KDM4C: variants seen among roughly 807,000 people sequenced by gnomAD.
KDM4C encodes lysine demethylase 4C.
A neutral mutation model predicts 129.3 loss-of-function variants in KDM4C; 81 were observed. The observed-to-expected ratio is 0.63, with a 90% CI of 0.52 to 0.75. KDM4C has a LOEUF of 0.75. KDM4C is among the 30% of genes least tolerant of loss of function. The pLI is 0.00. For synonymous variants in KDM4C, 573 were observed against 456.1 expected, an observed-to-expected ratio of 1.26 and a Z score of -3.26; for missense variants, 1,457 against 1,304.0, an observed-to-expected ratio of 1.12 and a Z score of -1.81.
chr9:6,726,251 C>T lies in KDM4C; in HGVS notation c.49+5254C>T, dbSNP rs1390303935. Among the ~76,000 whole-genome samples, 9 of 152,258 alleles carry T rather than the reference C, an allele frequency of 5.9e-5. No individual in the cohort carries two copies. The South Asian group carries it at 1.5e-3, about 25-fold the overall frequency. On this transcript the variant is annotated intron_variant, in intron 1 of 17. Transcript: ENST00000536108. Reference sequence around the variant, plus strand: ...ATTCTCTTTTTAAAACTGGTCAGCCCCTCAAACCAGAATAGGTTCAGAGAG... The same window carrying T: ...ATTCTCTTTTTAAAACTGGTCAGCCTCTCAAACCAGAATAGGTTCAGAGAG...
chr9:7,102,566 G>T (rs1474160635), intron 17 of KDM4C, among the ~76,000 whole-genome samples: 2 of 152,132 alleles, frequency 1.3e-5, no homozygotes, highest in African/African-American at 4.8e-5. Flanking sequence ...AGAGATCAGA[G>T]TAAGACTGAG....
chr9:6,914,861 C>G (rs1029493268), intron 8 of KDM4C, among the ~76,000 whole-genome samples: 1 of 152,244 alleles, frequency 6.6e-6, no homozygotes, highest in African/African-American at 2.4e-5. Flanking sequence ...TGGTCTTGGA[C>G]TTACTTGCCA....
intron 4 of KDM4C, among the ~76,000 whole-genome samples, chr9:6,834,043 C>CTTTTTTTT (rs71487860): frequency 5.5e-5 from 6 of 109,480 alleles, no homozygotes; most frequent in Admixed American, 1.1e-4. Flanking sequence ...AAGAGATAGT[C>CTTTTTTTT]TTTTTTTTTT....
At chr9:6,881,750 C>G (rs751122758) in intron 6 of KDM4C, among the ~76,000 whole-genome samples, 4 of 152,168 alleles carry the variant, frequency 2.6e-5, no homozygotes, top group African/African-American at 9.7e-5. Context: ...ATTCAAAACT[C>G]TTTTGCAGCA....
chr9:6,739,099 G>A (rs1241591124), intron 1 of KDM4C, among the ~76,000 whole-genome samples: 1 of 151,842 alleles, frequency 6.6e-6, no homozygotes, highest in Non-Finnish European at 1.5e-5. Flanking sequence ...TTGAGACAGA[G>A]TCTCACTCTG....
chr9:6,727,095 T>C (rs1041438245), intron 1 of KDM4C: 1 of 152,200 alleles, frequency 6.6e-6, no homozygotes, highest in Non-Finnish European at 1.5e-5. Context: ...TAGACTATTA[T>C]TTAGAAGTAT....
intron 18 of KDM4C, among the ~76,000 whole-genome samples, chr9:7,105,680 A>T (rs935230005): frequency 6.6e-6 from 1 of 152,222 alleles, no homozygotes; most frequent in Non-Finnish European, 1.5e-5. Flanking sequence ...AGAGGTGTTC[A>T]TCTGAAGCTT....
rs142642250 is a variant in KDM4C, at chr9:6,732,093, T to C, written c.49+11096T>C. Among the ~76,000 whole-genome samples, 110 of 151,922 alleles carry C rather than the reference T, an allele frequency of 7.2e-4. No homozygotes were observed. The East Asian group carries it at 0.011, about 16-fold the overall frequency. ...ATCAAAGAATGAGGCTGGGGCTGGG[T>C]GTGGTGGCTCACATCTGTAATCCCA... is the stretch of plus-strand genomic sequence containing the variant. On this transcript the variant is annotated intron_variant, in intron 1 of 17. Coordinates refer to the KDM4C transcript ENST00000536108.
At chr9:6,867,018 T>TA (rs201917763) in intron 5 of KDM4C, among the ~76,000 whole-genome samples, 457 of 33,146 alleles carry the variant, frequency 0.014, 2 homozygotes, top group Non-Finnish European at 0.022. Context: ...TATATATATA[T>TA]TTTTTTTTTT....
At chr9:6,942,936 G>A (rs1589232245) in intron 8 of KDM4C, among the ~76,000 whole-genome samples, 1 of 152,122 alleles carries the variant, frequency 6.6e-6, no homozygotes, top group East Asian at 1.9e-4. Context: ...CATGATCACG[G>A]CCCCTTGTAG....
intron 17 of KDM4C, among the ~76,000 whole-genome samples, chr9:7,074,733 A>G (rs978054938): frequency 6.6e-6 from 1 of 152,186 alleles, no homozygotes; most frequent in Non-Finnish European, 1.5e-5. Flanking sequence ...AAAGGACTAG[A>G]TCATTGAATT....
At chr9:6,986,712 A>G in intron 11 of KDM4C, 46 bp downstream of exon 11, 1 of 1,400,112 alleles carries the variant, frequency 7.1e-7, no homozygotes, top group Non-Finnish European at 9.7e-7. Flanking sequence ...ATATGGTGAG[A>G]GCACATTTTG....
chr9:7,120,033 G>A (rs1399369202), intron 18 of KDM4C, among the ~76,000 whole-genome samples: 1 of 152,076 alleles, frequency 6.6e-6, no homozygotes, highest in African/African-American at 2.4e-5. Context: ...GTAATTAAAT[G>A]CCACTTTTTT....
intron 12 of KDM4C, among the ~76,000 whole-genome samples, chr9:6,996,363 G>T (rs1819751506): frequency 6.6e-6 from 1 of 152,124 alleles, no homozygotes; most frequent in Non-Finnish European, 1.5e-5. Flanking sequence ...CTGGCCTCAT[G>T]GTGCATTGTT....
At chr9:6,925,602 G>A (rs1158093716) in intron 8 of KDM4C, 1 of 985,270 alleles carries the variant, frequency 1.0e-6, no homozygotes, top group Non-Finnish European at 1.2e-6. Flanking sequence ...CAGACCCTCA[G>A]TTCTAAAACC....
intron 17 of KDM4C, 141 bp from the exon 18 acceptor site, chr9:7,103,544 C>A: frequency 1.6e-6 from 1 of 642,584 alleles, no homozygotes; most frequent in Non-Finnish European, 2.7e-6. Flanking sequence ...CCACTAGGGC[C>A]CCTGGAGGGG....
At chr9:7,065,672 C>G (rs1193032369) in intron 17 of KDM4C, among the ~76,000 whole-genome samples, 1 of 152,100 alleles carries the variant, frequency 6.6e-6, no homozygotes. Context: ...GCAGTGTAGT[C>G]CAGTGAAATA....
rs565871964 is a variant in KDM4C, at chr9:6,913,538, A to C, written c.921+20306A>C. On this transcript the variant is annotated intron_variant, in intron 8 of 21. Coordinates refer to ENST00000381309, the MANE Select transcript of KDM4C (RefSeq NM_015061.6). Reference sequence around the variant, plus strand: ...CCATTGGGATTTGTGAGAGGCAGGCAAAGGGCTGTTACCTATACCTCTTCT... The same window carrying C: ...CCATTGGGATTTGTGAGAGGCAGGCCAAGGGCTGTTACCTATACCTCTTCT... Among the ~76,000 whole-genome samples, 9 of 152,326 alleles carry C rather than the reference A, an allele frequency of 5.9e-5. No homozygotes were observed. In the East Asian group the frequency reaches 1.7e-3, roughly 29 times the overall value.
chr9:6,722,097 C>A (rs1816973950), intron 1 of KDM4C, among the ~76,000 whole-genome samples: 9 of 152,200 alleles, frequency 5.9e-5, no homozygotes, highest in Admixed American at 5.9e-4. Context: ...CGTGCTGGTT[C>A]CCCAATAGCC....
Sources: gnomAD v4.1 joint callset for allele counts (sites outside exome capture counted in the v4.1 genomes callset) on GRCh38, gnomAD v4.1.1 for gene constraint, MANE v1.5 for transcripts, NCBI Gene and HGNC (gene_info 2026-07-23, HGNC 2026-07-21) for gene names.